The following SZT2 variants were observed in gnomAD, a reference collection of about 807,000 sequenced individuals.
The protein encoded by SZT2 is SZT2 subunit of KICSTOR complex.
SZT2 carries 216 observed loss-of-function variants against 404.2 expected under a neutral mutation model. The observed-to-expected ratio is 0.53, with a 90% CI of 0.48 to 0.60. The LOEUF (loss-of-function observed/expected upper bound fraction) is 0.60, where lower values mean the gene tolerates loss of function less well. Ranked by LOEUF, SZT2 falls within the 20% of genes least tolerant of loss-of-function variation. SZT2 has a pLI of 0.00. For missense variants in SZT2, 3,857 were observed against 4,459.2 expected (o/e 0.86, Z 3.85); for synonymous variants, 1,693 against 1,749.9 (o/e 0.97, Z 0.81).
At position 43,430,324 on chromosome 1, in the gene SZT2, G is replaced by A. The variant is rs374593213; in HGVS notation, c.4415G>A (p.Arg1472Gln). 1.2e-5 allele frequency: 20 copies of A among 1,613,366 alleles called. No homozygotes were observed. Among genetic ancestry groups the A allele is most frequent in the African/African-American group, 9.4e-5 (7 of 74,808 alleles). ...TCTTTTGCCTAGGATGAGGGGCCTC[G>A]GGACACAGTAGACAGAAAAATCAGT... ...PSSRREDEGP[R>Q]DTVDRKISDL... Residue 1472 changes from arginine to glutamine, a missense_variant, in exon 31 of 72, where the codon CGG becomes CAG. By Grantham distance (43) the Arg-to-Gln change is conservative. This residue lies in a region of SZT2 where 1,725 missense variants were observed against 1,881.0 expected (regional missense o/e 0.92). Transcript: ENST00000634258.
chr1:43,446,947 C>T lies in SZT2; in HGVS notation c.9073-8C>T. 6.2e-7 allele frequency: 1 copy of T among 1,605,358 alleles called. No homozygotes were observed. The stretch of plus-strand genomic sequence containing the variant: ...CCTTAACCCTGTCTCCTGCTGCTGC[C>T]TCCCCAGCTGTCCATGCTGTTCACA... On this transcript the variant is annotated splice_polypyrimidine_tract_variant and splice_region_variant and intron_variant, in intron 65 of 71. Coordinates refer to ENST00000634258, the MANE Select transcript of SZT2 (RefSeq NM_001365999.1).
At chr1:43,449,146 G>C (rs1339140772) in intron 70 of SZT2, 2 of 202,526 alleles carry the variant, frequency 9.9e-6, no homozygotes, top group African/African-American at 4.7e-5. Context: ...ATTTCAGACT[G>C]TTGACTCGGG....
rs1484871826 is a variant in SZT2, at chr1:43,439,792, T to A, written c.7042+23T>A. 1 of 1,570,882 alleles carries A rather than the reference T, an allele frequency of 6.4e-7. No individual in the cohort carries two copies. The highest frequency in any genetic ancestry group is 8.6e-7 in the Non-Finnish European group (1 of 1,156,572). ...CAGGTGGGACAGCTTGGTCAGAGGA[T>A]GAGGTGTTCAGTTATTGCTGTGGGA... On this transcript the variant is annotated intron_variant, in intron 50 of 71. Transcript: ENST00000634258. This position sits in a 1 kb window ranked among gnomAD's most constrained non-coding sequence, Gnocchi z 4.2.
chr1:43,451,207 G>A lies in SZT2; in HGVS notation c.*727G>A. Reference sequence around the variant, plus strand: ...AGGAGGAGATGGGATGTCACTCGCTGTCTGGAGGCACGTGGGTGGTGTGCG... The same window carrying A: ...AGGAGGAGATGGGATGTCACTCGCTATCTGGAGGCACGTGGGTGGTGTGCG... On this transcript the variant is annotated 3_prime_UTR_variant, in exon 72 of 72. Transcript: ENST00000634258. 1.2e-6 allele frequency: 2 copies of A among 1,604,456 alleles called. No individual in the cohort carries two copies. The highest frequency in any genetic ancestry group is 1.7e-6 in the Non-Finnish European group (2 of 1,171,324).
At chr1:43,414,945 G>A in intron 4 of SZT2, 137 bp from the exon 5 acceptor site, 1 of 1,072,390 alleles carries the variant, frequency 9.3e-7, no homozygotes, top group Non-Finnish European at 1.3e-6. Context: ...AATTGGCTGT[G>A]GAGTCATACC....
chr1:43,427,874 T>C (rs1427135574), intron 26 of SZT2, 129 bp from the exon 27 acceptor site: 1 of 1,329,404 alleles, frequency 7.5e-7, no homozygotes, highest in South Asian at 1.4e-5. Flanking sequence ...CAGCAAACCC[T>C]TGAACTTGCT....
Position 43,430,097 on chromosome 1 carries a change from G to A in SZT2, c.4395G>A (p.Arg1465=). 1 of 1,614,082 alleles carries A rather than the reference G, an allele frequency of 6.2e-7. No individual in the cohort carries two copies. The highest frequency in any genetic ancestry group is 8.5e-7 in the Non-Finnish European group (1 of 1,180,004). The change falls in exon 30 of 72, where the codon AGG becomes AGA. Residue 1465 remains arginine (R), a synonymous_variant. Coordinates refer to ENST00000634258, the MANE Select transcript of SZT2 (RefSeq NM_001365999.1). ...HYFFYCPPSS[R]REDEGPRDTV... is the part of the protein sequence containing the mutation. ...TCTTCTATTGCCCTCCATCCAGCAG[G>A]CGAGAAGTGAGTGGCTCTCTTCCTT...
At chr1:43,436,847 T>C in intron 42 of SZT2, 1 of 367,606 alleles carries the variant, frequency 2.7e-6, no homozygotes, top group South Asian at 4.0e-5. Context: ...AGAGTGCTAC[T>C]GACATATATT....
Position 43,442,036 on chromosome 1 carries a change from T to C in SZT2, c.7779T>C (p.Pro2593=). 6.2e-7 allele frequency: 1 copy of C among 1,613,978 alleles called. No homozygotes were observed. Residue 2593 remains proline, a synonymous_variant, in exon 56 of 72, where the codon CCT becomes CCC. Coordinates refer to ENST00000634258, the MANE Select transcript of SZT2 (RefSeq NM_001365999.1). The surrounding 1 kb of genome is among the most constrained non-coding windows in gnomAD (Gnocchi z 4.5). ...CAGAGATCTTCGGCCCTTGTTCCCC[T>C]GGGCAACTGGGCCCCTCTCCCCGCC... The part of the protein sequence containing the change: ...SEPEIFGPCS[P]GQLGPSPRPA...
chr1:43,398,204 A>G lies in SZT2; in HGVS notation c.28-4973A>G, dbSNP rs182236701. Reference sequence around the variant, plus strand: ...TGTTAAGGTGATCTCATCTTGAGAAAAGTTGTACTAATTATGATTAGTTTT... The same window carrying G: ...TGTTAAGGTGATCTCATCTTGAGAAGAGTTGTACTAATTATGATTAGTTTT... On this transcript the variant is annotated intron_variant, in intron 1 of 71. Transcript: ENST00000634258. 3.9e-4 allele frequency among the ~76,000 whole-genome samples: 59 copies of G among 152,360 alleles called. No individual in the cohort carries two copies. The East Asian group carries it at 0.01, about 27-fold the overall frequency.
Position 43,420,131 on chromosome 1 carries a change from C to T in SZT2, c.1091-22C>T, listed in dbSNP as rs1461811926. The stretch of plus-strand genomic sequence containing the variant: ...TTGGCAGATAACCAGTTTCTCCTTC[C>T]CCATCTCCACTGGTCTTCCAGGCTC... On this transcript the variant is annotated intron_variant, in intron 8 of 71. Transcript: ENST00000634258. This position sits in a 1 kb window ranked among gnomAD's most constrained non-coding sequence, Gnocchi z 5.1. 2 of 1,596,634 alleles carry T rather than the reference C, an allele frequency of 1.3e-6. No individual in the cohort carries two copies. Among genetic ancestry groups the T allele is most frequent in the South Asian group, 1.1e-5 (1 of 90,892 alleles).
intron 62 of SZT2, 60 bp downstream of exon 62, chr1:43,443,856 C>T (rs1655370721): frequency 1.3e-6 from 2 of 1,595,666 alleles, no homozygotes; most frequent in South Asian, 2.2e-5. Flanking sequence ...TGAGGCCCCA[C>T]AGGCCCTTCC....
intron 4 of SZT2, among the ~76,000 whole-genome samples, chr1:43,407,485 C>T (rs1377089997): frequency 6.6e-6 from 1 of 151,484 alleles, no homozygotes; most frequent in Non-Finnish European, 1.5e-5. Flanking sequence ...CACTGTACTC[C>T]AACCTGAGAA....
At position 43,450,653 on chromosome 1, in the gene SZT2, A is replaced by G; in HGVS notation, c.*173A>G. 1 of 1,013,164 alleles carries G rather than the reference A, an allele frequency of 9.9e-7. No homozygotes were observed. The highest frequency in any genetic ancestry group is 1.4e-6 in the Non-Finnish European group (1 of 695,082). The allele number at this position is 1,013,164 out of a possible 1,614,324, so 62.8% of individuals were successfully genotyped here. A position where few individuals can be genotyped will look rare whatever the true frequency, so the allele number is the denominator to read the frequency against. On this transcript the variant is annotated 3_prime_UTR_variant, in exon 72 of 72. Transcript: ENST00000634258. The surrounding 1 kb of genome is among the most constrained non-coding windows in gnomAD (Gnocchi z 4.3). The stretch of plus-strand genomic sequence containing the variant: ...GGGTCTGCTGCCCCAGCCTGGCAGC[A>G]GGAACCGCCCTCCCCAAACACCCAC...
chr1:43,404,665 T>C (rs1378883212), intron 4 of SZT2, 115 bp downstream of exon 4: 11 of 1,110,184 alleles, frequency 9.9e-6, no homozygotes, highest in Non-Finnish European at 1.3e-5. Context: ...TCTGCTGGCT[T>C]CTTGAACCTG....
At position 43,434,506 on chromosome 1, in the gene SZT2, G is replaced by A. The variant is rs756546102; in HGVS notation, c.5904+21G>A. The A allele has an allele frequency of 5.1e-6, 8 of 1,571,602 alleles. No individual in the cohort carries two copies. In the East Asian group the frequency reaches 1.8e-4, roughly 36 times the overall value. Reference sequence around the variant, plus strand: ...ACCAGGTAAGGGGCAGGACTCTCCAGACCCGGACACACAGAGCAGATGAGA... The same window carrying A: ...ACCAGGTAAGGGGCAGGACTCTCCAAACCCGGACACACAGAGCAGATGAGA... On this transcript the variant is annotated intron_variant, in intron 41 of 71. Coordinates refer to ENST00000634258, the MANE Select transcript of SZT2 (RefSeq NM_001365999.1).
chr1:43,395,065 A>C (rs1648829180), intron 1 of SZT2, among the ~76,000 whole-genome samples: 3 of 152,196 alleles, frequency 2.0e-5, no homozygotes, highest in African/African-American at 4.8e-5. Context: ...TCAGTCCATC[A>C]TTCAAAATAA....
rs1045157890 is a variant in SZT2 at position 43,453,614 on chromosome 1, T to C, written c.*3134T>C. On this transcript the variant is annotated 3_prime_UTR_variant, in exon 72 of 72. Coordinates refer to ENST00000634258, the MANE Select transcript of SZT2 (RefSeq NM_001365999.1). ...ACGCACCCGGGGGCGTGTTGATCAG[T>C]ACAAGCCGCAGCCCCGCTTCTCGCG... 15 of 1,504,676 alleles carry C rather than the reference T, an allele frequency of 1.0e-5. No homozygotes were observed. Among genetic ancestry groups the C allele is most frequent in the Middle Eastern group, 2.0e-4 (1 of 4,966 alleles). 93.2% of individuals were successfully genotyped at this position (1,504,676 alleles called of 1,614,324 possible).
chr1:43,394,974 TC>T, intron 1 of SZT2, among the ~76,000 whole-genome samples: 1 of 152,182 alleles, frequency 6.6e-6, no homozygotes, highest in East Asian at 1.9e-4. Context: ...AGGCAAATGT[TC>T]AGCAAATGTT....
Sources: gnomAD v4.1 joint callset for allele counts (sites outside exome capture counted in the v4.1 genomes callset) on GRCh38, gnomAD v4.1.1 for gene constraint, gnomAD v4.1.1 regional missense constraint, Gnocchi (gnomAD v3.1) non-coding constraint, MANE v1.5 for transcripts, NCBI Gene and HGNC (gene_info 2026-07-23, HGNC 2026-07-21) for gene names.